UCMA: variants seen among roughly 807,000 people sequenced by gnomAD.
The protein encoded by UCMA is upper zone of growth plate and cartilage matrix-associated protein.
UCMA carries 21 observed loss-of-function variants against 21.8 expected under a neutral mutation model. The observed-to-expected ratio is 0.97, with a 90% CI of 0.68 to 1.39. The LOEUF (loss-of-function observed/expected upper bound fraction) is 1.39. Among genes scored for constraint, UCMA ranks in the 40% most tolerant of loss-of-function variants. The pLI, the probability that UCMA is intolerant of heterozygous loss-of-function variation, is 0.00. For missense variants in UCMA, 193 were observed against 178.9 expected (o/e 1.08, Z -0.45); for synonymous variants, 76 against 67.9 (o/e 1.12, Z -0.58).
intron 4 of UCMA, among the ~76,000 whole-genome samples, chr10:13,222,437 A>T (rs1834770333): frequency 6.6e-6 from 1 of 152,152 alleles, no homozygotes; most frequent in African/African-American, 2.4e-5. Flanking sequence ...AGGGCCGGGC[A>T]TCTCAGGCTC....
In UCMA at chr10:13,229,648, C is replaced by T; in HGVS notation, c.282G>A (p.Arg94=). The T allele has an allele frequency of 6.2e-7, 1 of 1,614,128 alleles. No individual in the cohort carries two copies. Among genetic ancestry groups the T allele is most frequent in the South Asian group, 1.1e-5 (1 of 91,072 alleles). ...ELRREYYEEQ[R]NEFENFVEEQ... is the part of the protein sequence containing the mutation. The stretch of plus-strand genomic sequence containing the variant: ...CCTCCACGAAGTTCTCAAATTCATT[C>T]CTTTGTTCCTCGTAATATTCTCTCC... The change falls in exon 4 of 5, where the codon AGG becomes AGA. Residue 94 remains arginine, a synonymous_variant. Transcript: ENST00000378681.
chr10:13,224,479 T>A (rs1359679570), intron 4 of UCMA, among the ~76,000 whole-genome samples: 4 of 152,144 alleles, frequency 2.6e-5, no homozygotes, highest in African/African-American at 9.7e-5. Flanking sequence ...GTGTGTTTTA[T>A]CACATTTTTA....
At position 13,234,269 on chromosome 10, in the gene UCMA, G is replaced by A; in HGVS notation, c.-11C>T. 1 of 1,613,506 alleles carries A rather than the reference G, an allele frequency of 6.2e-7. No individual in the cohort carries two copies. The highest frequency in any genetic ancestry group is 8.5e-7 in the Non-Finnish European group (1 of 1,179,922). ...CTGTCTCCAAGTCATCTTTGCAGAG[G>A]TAGGGGCTCCGTCCAGGACCCACAA... On this transcript the variant is annotated 5_prime_UTR_variant, in exon 1 of 5. Coordinates refer to ENST00000378681, the MANE Select transcript of UCMA (RefSeq NM_145314.3).
intron 4 of UCMA, among the ~76,000 whole-genome samples, chr10:13,224,723 T>A (rs1834802094): frequency 6.6e-6 from 1 of 152,190 alleles, no homozygotes; most frequent in East Asian, 1.9e-4. Context: ...GTTGCTTTGG[T>A]CCTTAGCACC....
rs192655645 is a variant in UCMA, at chr10:13,231,687, A to G, written c.220+1851T>C. Among the ~76,000 whole-genome samples the G allele has an allele frequency of 5.9e-5, 9 of 152,354 alleles. No individual in the cohort carries two copies. In the East Asian group the frequency reaches 1.7e-3, roughly 29 times the overall value. On this transcript the variant is annotated intron_variant, in intron 3 of 4. Coordinates refer to ENST00000378681, the MANE Select transcript of UCMA (RefSeq NM_145314.3). ...AATGAATAAGAACAATTTAATCCTC[A>G]GGACAAGATAGTAATTTTATACTAT...
intron 4 of UCMA, among the ~76,000 whole-genome samples, chr10:13,223,269 A>G (rs1379711283): frequency 6.6e-6 from 1 of 151,898 alleles, no homozygotes; most frequent in South Asian, 2.1e-4. Flanking sequence ...GAAAATGCCC[A>G]AAAGAATTGA....
rs535953185 is a variant in UCMA, at chr10:13,226,628, G to A, written c.319+2983C>T. On this transcript the variant is annotated intron_variant, in intron 4 of 4. Coordinates refer to ENST00000378681, the MANE Select transcript of UCMA (RefSeq NM_145314.3). ...GTGTAAGCCATGGTGCCCAGCCTGA[G>A]CCTCTATTTTTGAAACATGAGCTGG... Among the ~76,000 whole-genome samples, 15 of 152,232 alleles carry A rather than the reference G, an allele frequency of 9.9e-5. No individual in the cohort carries two copies. The East Asian group carries it at 2.9e-3, about 29-fold the overall frequency.
At chr10:13,226,855 C>T (rs2147278) in intron 4 of UCMA, among the ~76,000 whole-genome samples, 53,497 of 152,006 alleles carry the variant, frequency 0.35, 9,588 homozygotes, top group Admixed American at 0.41. Context: ...ACCCTGCATC[C>T]TGAATTCATC....
intron 4 of UCMA, among the ~76,000 whole-genome samples, chr10:13,229,133 G>A (rs540717180): frequency 1.3e-5 from 2 of 151,920 alleles, no homozygotes; most frequent in Non-Finnish European, 2.9e-5. Context: ...ATGGGGTTTC[G>A]CCATGTTGGC....
chr10:13,226,014 G>A (rs956517528), intron 4 of UCMA, among the ~76,000 whole-genome samples: 1 of 152,064 alleles, frequency 6.6e-6, no homozygotes, highest in Non-Finnish European at 1.5e-5. Flanking sequence ...CCATCCGGGG[G>A]CCAATTCCTG....
rs370480856 is a variant in UCMA, at chr10:13,234,307, G to A, written c.-49C>T. 162 of 1,595,606 alleles carry A rather than the reference G, an allele frequency of 1.0e-4. No homozygotes were observed. Among genetic ancestry groups the A allele is most frequent in the African/African-American group, 7.0e-4 (52 of 74,476 alleles). ...CCAGGACCCACAAGGCAGACCAGGC[G>A]TCCTGCACCCTTTGGGTCCCCACTT... On this transcript the variant is annotated 5_prime_UTR_variant, in exon 1 of 5. The change creates a new upstream start codon in the 5' untranslated region. Coordinates refer to ENST00000378681, the MANE Select transcript of UCMA (RefSeq NM_145314.3).
At position 13,234,305 on chromosome 10, in the gene UCMA, G is replaced by A. The variant is rs929961376; in HGVS notation, c.-47C>T. 6.2e-7 allele frequency: 1 copy of A among 1,602,206 alleles called. No individual in the cohort carries two copies. Among genetic ancestry groups the A allele is most frequent in the Non-Finnish European group, 8.5e-7 (1 of 1,174,440 alleles). ...GTCCAGGACCCACAAGGCAGACCAG[G>A]CGTCCTGCACCCTTTGGGTCCCCAC... On this transcript the variant is annotated 5_prime_UTR_variant, in exon 1 of 5. Transcript: ENST00000378681.
intron 4 of UCMA, among the ~76,000 whole-genome samples, chr10:13,227,893 G>C (rs1447694217): frequency 6.6e-6 from 1 of 151,710 alleles, no homozygotes; most frequent in Non-Finnish European, 1.5e-5. Context: ...GAAGGCAGTG[G>C]CTCAAAGACA....
At position 13,233,562 on chromosome 10, in the gene UCMA, G is replaced by A. The variant is rs901425582; in HGVS notation, c.196C>T (p.Pro66Ser). The A allele has an allele frequency of 1.2e-6, 2 of 1,613,926 alleles. No individual in the cohort carries two copies. Among genetic ancestry groups the A allele is most frequent in the African/African-American group, 2.7e-5 (2 of 74,872 alleles). ...NFLKRRGKRSPKSRDEVNVEN... is the reference protein window; with the variant it reads ...NFLKRRGKRSSKSRDEVNVEN... ...CCATTGACCTCATCTCTGGACTTGGGGGACCGCTTGCCGCGCCTCTTGAGG... is the reference window on the plus strand; with the variant it reads ...CCATTGACCTCATCTCTGGACTTGGAGGACCGCTTGCCGCGCCTCTTGAGG... The change falls in exon 3 of 5, where the codon CCC (proline) becomes TCC (serine). Residue 66 changes from proline to serine, a missense_variant. Physicochemically the swap from Pro to Ser is moderately conservative, Grantham distance 74. Transcript: ENST00000378681.
intron 4 of UCMA, 72 bp from the exon 5 acceptor site, chr10:13,222,272 A>G: frequency 5.6e-6 from 8 of 1,437,298 alleles, no homozygotes; most frequent in Non-Finnish European, 7.7e-6. Context: ...AGCAGCCATC[A>G]GCCGAACCCC....
intron 4 of UCMA, among the ~76,000 whole-genome samples, chr10:13,225,910 G>A (rs748136974): frequency 1.3e-5 from 2 of 152,086 alleles, no homozygotes; most frequent in Non-Finnish European, 2.9e-5. Context: ...CTCATCCTCC[G>A]GAGGCCAGGC....
At position 13,233,528 on chromosome 10, in the gene UCMA, G is replaced by T. The variant is rs770218922; in HGVS notation, c.220+10C>A. The T allele has an allele frequency of 3.1e-6, 5 of 1,612,252 alleles. No homozygotes were observed. Among genetic ancestry groups the T allele is most frequent in the Non-Finnish European group, 4.2e-6 (5 of 1,178,870 alleles). The stretch of plus-strand genomic sequence containing the variant: ...ATGGACGCGGGATGGGGTCCCTCCA[G>T]CATCCTTACCATTGACCTCATCTCT... On this transcript the variant is annotated intron_variant, in intron 3 of 4. Transcript: ENST00000378681.
At chr10:13,225,768 GA>G (rs1427238443) in intron 4 of UCMA, among the ~76,000 whole-genome samples, 27 of 152,090 alleles carry the variant, frequency 1.8e-4, no homozygotes, top group African/African-American at 6.5e-4. Context: ...GGCCTCAGGG[GA>G]GGGCTTGGAA....
In UCMA at chr10:13,222,118, G is replaced by A. The variant is rs1834764733; in HGVS notation, c.402C>T (p.Asn134=). Residue 134 remains asparagine (N), a synonymous_variant, in exon 5 of 5, where the codon AAC becomes AAT. Coordinates refer to ENST00000378681, the MANE Select transcript of UCMA (RefSeq NM_145314.3). ...YDGLHPSYLY[N]RHHT is the part of the protein sequence containing the mutation. ...CAGGATGGGATCAGGTGTGGTGGCG[G>A]TTGTAGAGATAGGATGGGTGCAGGC... The A allele has an allele frequency of 2.5e-6, 4 of 1,614,064 alleles. No homozygotes were observed. The highest frequency in any genetic ancestry group is 2.7e-5 in the African/African-American group (2 of 74,940).
Sources: gnomAD v4.1 joint callset for allele counts (sites outside exome capture counted in the v4.1 genomes callset) on GRCh38, gnomAD v4.1.1 for gene constraint, MANE v1.5 for transcripts, NCBI Gene and HGNC (gene_info 2026-07-23, HGNC 2026-07-21) for gene names.